SEL1L: variants seen among roughly 807,000 people sequenced by gnomAD.
SEL1L encodes the protein protein sel-1 homolog 1.
A neutral mutation model predicts 109.8 loss-of-function variants in SEL1L; 52 were observed. The ratio of observed to expected loss-of-function variants is 0.47; its 90% CI spans 0.38 to 0.60. The LOEUF (loss-of-function observed/expected upper bound fraction) is 0.60. Ranked by LOEUF, SEL1L falls within the 20% of genes least tolerant of loss-of-function variation. The probability of loss-of-function intolerance (pLI) is 0.00; values close to 1 mark genes in which losing one functional copy is unlikely to be tolerated. For missense variants in SEL1L, 749 were observed against 962.2 expected (o/e 0.78, Z 2.93); for synonymous variants, 373 against 339.6 (o/e 1.10, Z -1.08).
intron 3 of SEL1L, among the ~76,000 whole-genome samples, chr14:81,524,224 C>T (rs1318336638): frequency 6.6e-6 from 1 of 152,076 alleles, no homozygotes; most frequent in Admixed American, 6.5e-5. Context: ...TGCCAAAACC[C>T]CTAGGCAAAA....
intron 3 of SEL1L, among the ~76,000 whole-genome samples, chr14:81,507,222 T>C (rs1053077553): frequency 1.3e-5 from 2 of 152,316 alleles, no homozygotes; most frequent in East Asian, 1.9e-4. Flanking sequence ...CTGAAAAGTT[T>C]TGCATAGGAG....
chr14:81,496,597 G>C (rs973178266), intron 10 of SEL1L, among the ~76,000 whole-genome samples: 1 of 152,110 alleles, frequency 6.6e-6, no homozygotes, highest in Non-Finnish European at 1.5e-5. Flanking sequence ...AAATTAGCTG[G>C]GTGTGGTGGT....
chr14:81,503,699 A>G (rs1192719378), intron 5 of SEL1L, among the ~76,000 whole-genome samples: 1 of 152,200 alleles, frequency 6.6e-6, no homozygotes. Flanking sequence ...GATGGTGTCC[A>G]GTATACGATC....
At chr14:81,507,906 A>C (rs1050776186) in intron 3 of SEL1L, among the ~76,000 whole-genome samples, 1 of 152,196 alleles carries the variant, frequency 6.6e-6, no homozygotes, top group African/African-American at 2.4e-5. Context: ...TGCAAATCCT[A>C]CCACTTATTA....
In SEL1L at chr14:81,485,551, G is replaced by A. The variant is rs1259348919; in HGVS notation, c.1873+121C>T. 21 of 811,990 alleles carry A rather than the reference G, an allele frequency of 2.6e-5. 1 individual carries two copies. The highest frequency in any genetic ancestry group is 3.5e-5 in the Non-Finnish European group (18 of 507,098). The allele number at this position is 811,990 out of a possible 1,614,324, so 50.3% of individuals were successfully genotyped here. On this transcript the variant is annotated intron_variant, in intron 18 of 20. Transcript: ENST00000336735. Reference sequence around the variant, plus strand: ...AAGTGATCCTCCTGCCTTGGCTTCCGAAAGTGCTAGGGTTACAGGCGTGAG... The same window carrying A: ...AAGTGATCCTCCTGCCTTGGCTTCCAAAAGTGCTAGGGTTACAGGCGTGAG...
chr14:81,482,770 C>T (rs139163663), intron 19 of SEL1L, among the ~76,000 whole-genome samples: 5 of 152,138 alleles, frequency 3.3e-5, no homozygotes, highest in Admixed American at 1.3e-4. Flanking sequence ...AAGAAAATGT[C>T]CAAATGTGAA....
chr14:81,508,179 T>C (rs1322874391), intron 3 of SEL1L, among the ~76,000 whole-genome samples: 2 of 152,152 alleles, frequency 1.3e-5, no homozygotes, highest in African/African-American at 4.8e-5. Context: ...CCTACAATAC[T>C]AAATTAAAAC....
intron 13 of SEL1L, among the ~76,000 whole-genome samples, chr14:81,490,069 C>T (rs1169970909): frequency 6.6e-6 from 1 of 152,112 alleles, no homozygotes; most frequent in Non-Finnish European, 1.5e-5. Context: ...ATTATGTAAG[C>T]TTTTAAATTT....
At chr14:81,489,576 C>A (rs1197997639) in intron 13 of SEL1L, among the ~76,000 whole-genome samples, 1 of 152,022 alleles carries the variant, frequency 6.6e-6, no homozygotes, top group Non-Finnish European at 1.5e-5. Context: ...ACTTTATGAC[C>A]ATCTGTACCA....
chr14:81,484,489 A>T lies in SEL1L; in HGVS notation c.1874-92T>A, dbSNP rs960330856. ...TCTCCTCCCATTGACATGCTTACAT[A>T]AAACAAAGAATTTTAATTCATAGTA... On this transcript the variant is annotated intron_variant, in intron 18 of 20. Transcript: ENST00000336735. The T allele has an allele frequency of 5.0e-6, 6 of 1,188,774 alleles. No individual in the cohort carries two copies. The Admixed American group carries it at 1.1e-4, about 22-fold the overall frequency. The allele number at this position is 1,188,774 out of a possible 1,614,324, so 73.6% of individuals were successfully genotyped here.
At chr14:81,497,369 T>C (rs1490616734) in intron 10 of SEL1L, among the ~76,000 whole-genome samples, 2 of 152,254 alleles carry the variant, frequency 1.3e-5, no homozygotes, top group African/African-American at 2.4e-5. Flanking sequence ...GAAACCTGTG[T>C]GTGCACACAT....
Position 81,474,897 on chromosome 14 carries a change from A to G in SEL1L, c.*2075T>C, listed in dbSNP as rs933995326. On this transcript the variant is annotated 3_prime_UTR_variant, in exon 21 of 21. Coordinates refer to ENST00000336735, the MANE Select transcript of SEL1L (RefSeq NM_005065.6). Reference sequence around the variant, plus strand: ...TCCCATCCAGCCTTAGGTGGCACACACTGTTTTAAGAAATGTTTTCTCAAA... The same window carrying G: ...TCCCATCCAGCCTTAGGTGGCACACGCTGTTTTAAGAAATGTTTTCTCAAA... 6.6e-6 allele frequency: 1 copy of G among 152,252 alleles called. No homozygotes were observed. The highest frequency in any genetic ancestry group is 1.5e-5 in the Non-Finnish European group (1 of 68,044). The allele number at this position is 152,252 out of a possible 1,614,324, so 9.4% of individuals were successfully genotyped here. A position where few individuals can be genotyped will look rare whatever the true frequency, so the allele number is the denominator to read the frequency against.
At chr14:81,516,895 C>T (rs1408829273) in intron 3 of SEL1L, among the ~76,000 whole-genome samples, 1 of 152,188 alleles carries the variant, frequency 6.6e-6, no homozygotes, top group Non-Finnish European at 1.5e-5. Context: ...ATGTACCTTG[C>T]ACCTGTGCTG....
Position 81,503,014 on chromosome 14 carries a change from T to C in SEL1L, c.615-131A>G, listed in dbSNP as rs542921432. The C allele has an allele frequency of 1.5e-5, 11 of 732,492 alleles. No individual in the cohort carries two copies. In the East Asian group the frequency reaches 1.7e-4, roughly 11 times the overall value. 45.4% of individuals were successfully genotyped at this position (732,492 alleles called of 1,614,324 possible). A position where few individuals can be genotyped will look rare whatever the true frequency, so the allele number is the denominator to read the frequency against. Reference sequence around the variant, plus strand: ...AACCCCTTTGATAATCTTTTTGAGATGGAGTTTCACTCTTGTTGTCCCGGC... The same window carrying C: ...AACCCCTTTGATAATCTTTTTGAGACGGAGTTTCACTCTTGTTGTCCCGGC... On this transcript the variant is annotated intron_variant, in intron 5 of 20. Transcript: ENST00000336735.
chr14:81,521,547 A>G (rs994261117), intron 3 of SEL1L, among the ~76,000 whole-genome samples: 3 of 152,210 alleles, frequency 2.0e-5, no homozygotes, highest in Non-Finnish European at 4.4e-5. Context: ...CCATAAGATT[A>G]TATCGCTGAC....
At position 81,488,327 on chromosome 14, in the gene SEL1L, C is replaced by A. The variant is rs946398944; in HGVS notation, c.1396-385G>T. Among the ~76,000 whole-genome samples, 13 of 152,086 alleles carry A rather than the reference C, an allele frequency of 8.5e-5. 1 individual carries two copies. Among genetic ancestry groups the A allele is most frequent in the Admixed American group, 8.5e-4 (13 of 15,262 alleles). On this transcript the variant is annotated intron_variant, in intron 14 of 20. Transcript: ENST00000336735. ...TCTCCTTATTCATTTATTCCGTGTACCTTACCAAACACTATGACTATTATA... is the reference window on the plus strand; with the variant it reads ...TCTCCTTATTCATTTATTCCGTGTAACTTACCAAACACTATGACTATTATA...
intron 3 of SEL1L, among the ~76,000 whole-genome samples, chr14:81,522,919 G>A (rs542692919): frequency 1.3e-5 from 2 of 152,246 alleles, no homozygotes; most frequent in African/African-American, 4.8e-5. Flanking sequence ...CAGTACAGTT[G>A]CAACCACCCA....
chr14:81,486,592 A>C, intron 16 of SEL1L, 138 bp from the exon 17 acceptor site: 1 of 716,456 alleles, frequency 1.4e-6, no homozygotes. Flanking sequence ...ACAGACATAA[A>C]AGTTTGAGAT....
In SEL1L at chr14:81,489,524, G is replaced by C. The variant is rs182838567; in HGVS notation, c.1333-210C>G. Among the ~76,000 whole-genome samples, 22 of 152,270 alleles carry C rather than the reference G, an allele frequency of 1.4e-4. No individual in the cohort carries two copies. In the East Asian group the frequency reaches 4.1e-3, roughly 28 times the overall value. On this transcript the variant is annotated intron_variant, in intron 13 of 20. Transcript: ENST00000336735. ...GGGCTTTGGGTAATTTGCTGAAAAA[G>C]AGTAAATAGTAAATTCATTTAGAAT...
Sources: allele counts gnomAD v4.1 joint callset (sites outside exome capture counted in the v4.1 genomes callset), GRCh38; gene constraint gnomAD v4.1.1; transcripts MANE v1.5; gene names NCBI Gene and HGNC (gene_info 2026-07-23, HGNC 2026-07-21).